Variants in NCKAP5 observed in about 807,000 individuals in gnomAD.
NCKAP5 encodes NCK associated protein 5, also known as nck-associated protein 5.
NCKAP5 carries 92 observed loss-of-function variants against 167.0 expected under a neutral mutation model. The observed-to-expected ratio is 0.55, with a 90% CI of 0.47 to 0.66. The LOEUF is 0.66. Ranked by LOEUF, NCKAP5 falls within the 30% of genes least tolerant of loss-of-function variation. The pLI, the probability that NCKAP5 is intolerant of heterozygous loss-of-function variation, is 0.00. For missense variants in NCKAP5, 2,378 were observed against 2,315.0 expected, an observed-to-expected ratio of 1.03 and a Z score of -0.56; for synonymous variants, 891 against 877.4, an observed-to-expected ratio of 1.02 and a Z score of -0.27.
the NCKAP5 span, chr2:133,596,044 C>T: frequency 6.6e-6 from 1 of 152,090 alleles, no homozygotes; most frequent in Non-Finnish European, 1.5e-5. Context: ...AATTATTTTC[C>T]TAAAAATGTA....
intron 4 of NCKAP5, among the ~76,000 whole-genome samples, chr2:133,226,177 G>A (rs761797481): frequency 2.6e-5 from 4 of 152,134 alleles, no homozygotes; most frequent in Non-Finnish European, 4.4e-5. Context: ...CTGGGCTCAA[G>A]TGATCCTCCC....
intron 3 of NCKAP5, among the ~76,000 whole-genome samples, chr2:133,457,157 C>T (rs1836668): frequency 0.033 from 4,996 of 152,196 alleles, 119 homozygotes; most frequent in Admixed American, 0.078. Context: ...CCCATGTGGC[C>T]GGCCTGGAGA....
intron 8 of NCKAP5, among the ~76,000 whole-genome samples, chr2:132,920,779 A>ATGTATGTATG (rs1227435162): frequency 5.3e-5 from 1 of 18,838 alleles, no homozygotes; most frequent in Non-Finnish European, 8.7e-5. Context: ...ATGTATATAT[A>ATGTATGTATG]TATATATATA....
chr2:132,834,431 G>A (rs923111905), intron 11 of NCKAP5, among the ~76,000 whole-genome samples: 3 of 151,990 alleles, frequency 2.0e-5, no homozygotes, highest in African/African-American at 4.8e-5. Context: ...TGCAAGCTCC[G>A]CCTCCCGGGT....
chr2:133,061,480 T>G (rs1008245608), intron 6 of NCKAP5, among the ~76,000 whole-genome samples: 1 of 152,212 alleles, frequency 6.6e-6, no homozygotes, highest in African/African-American at 2.4e-5. Flanking sequence ...TGTTTACCTA[T>G]GTAACAAACC....
chr2:133,629,392 T>C, the NCKAP5 span, among the ~76,000 whole-genome samples: 14,231 of 152,216 alleles, frequency 0.093, 767 homozygotes, highest in African/African-American at 0.12. Flanking sequence ...CTCAGTATCA[T>C]GGATCATTAG....
At chr2:132,728,357 T>A (rs1574009960) in intron 18 of NCKAP5, among the ~76,000 whole-genome samples, 1 of 152,264 alleles carries the variant, frequency 6.6e-6, no homozygotes, top group East Asian at 1.9e-4. Context: ...GCTCACGGAT[T>A]CTAGCAAGTC....
intron 3 of NCKAP5, among the ~76,000 whole-genome samples, chr2:133,312,879 T>C (rs1425136928): frequency 6.6e-6 from 1 of 152,208 alleles, no homozygotes; most frequent in Non-Finnish European, 1.5e-5. Context: ...ACTTTATTGA[T>C]TGATGTTGTT....
intron 3 of NCKAP5, among the ~76,000 whole-genome samples, chr2:133,308,370 G>A (rs542272655): frequency 1.3e-5 from 2 of 152,038 alleles, no homozygotes; most frequent in Admixed American, 1.3e-4. Flanking sequence ...TTACAGGCGT[G>A]AGCCACCGCG....
At chr2:133,186,418 G>C (rs1488402471) in intron 5 of NCKAP5, among the ~76,000 whole-genome samples, 1 of 151,936 alleles carries the variant, frequency 6.6e-6, no homozygotes, top group Admixed American at 6.6e-5. Context: ...GCGGTTTTCT[G>C]TTTTCACTGT....
intron 3 of NCKAP5, among the ~76,000 whole-genome samples, chr2:133,327,464 G>GTT (rs1559386953): frequency 6.6e-6 from 1 of 152,156 alleles, no homozygotes; most frequent in Non-Finnish European, 1.5e-5. Flanking sequence ...TAATGTTAGT[G>GTT]TTTTGAAGAC....
intron 10 of NCKAP5, among the ~76,000 whole-genome samples, chr2:132,863,008 G>A (rs1403528281): frequency 6.6e-6 from 1 of 151,954 alleles, no homozygotes; most frequent in African/African-American, 2.4e-5. Context: ...TTTTAGTAGA[G>A]ACAGGGTTTC....
intron 8 of NCKAP5, among the ~76,000 whole-genome samples, chr2:132,894,039 G>C (rs1027891461): frequency 6.6e-6 from 1 of 152,132 alleles, no homozygotes; most frequent in Non-Finnish European, 1.5e-5. Flanking sequence ...GATGAGAGAG[G>C]GAAGACACTG....
intron 3 of NCKAP5, among the ~76,000 whole-genome samples, chr2:133,403,283 G>T (rs954964560): frequency 6.6e-6 from 1 of 152,182 alleles, no homozygotes; most frequent in Non-Finnish European, 1.5e-5. Context: ...ATGCACCAAT[G>T]ATGATTAGTG....
chr2:133,347,748 G>A (rs1309185234), intron 3 of NCKAP5, among the ~76,000 whole-genome samples: 2 of 151,992 alleles, frequency 1.3e-5, no homozygotes, highest in Admixed American at 6.6e-5. Flanking sequence ...GGGCCCCTCT[G>A]GGAGAATTCA....
At chr2:133,213,681 T>C in intron 5 of NCKAP5, 35 bp downstream of exon 5, 1 of 1,608,270 alleles carries the variant, frequency 6.2e-7, no homozygotes, top group Non-Finnish European at 8.5e-7. Flanking sequence ...GACCTCTGGA[T>C]GTTGTGGAAT....
At chr2:133,614,468 C>G in the NCKAP5 span, among the ~76,000 whole-genome samples, 1 of 151,994 alleles carries the variant, frequency 6.6e-6, no homozygotes, top group African/African-American at 2.4e-5. Flanking sequence ...GCTGATGGAG[C>G]TGAAAACCAA....
At chr2:133,558,010 C>T (rs1687866091) in intron 2 of NCKAP5, 1 of 152,348 alleles carries the variant, frequency 6.6e-6, no homozygotes, top group South Asian at 2.1e-4. Context: ...CTCATCTTCT[C>T]CCCCTTCACT....
At chr2:132,906,221 G>A (rs1281551830) in intron 8 of NCKAP5, among the ~76,000 whole-genome samples, 1 of 152,122 alleles carries the variant, frequency 6.6e-6, no homozygotes, top group African/African-American at 2.4e-5. Context: ...AGTTACTGGA[G>A]TAGCTAACAG....
Sources: allele counts gnomAD v4.1 joint callset (sites outside exome capture counted in the v4.1 genomes callset), GRCh38; gene constraint gnomAD v4.1.1; transcripts MANE v1.5; gene names NCBI Gene and HGNC (gene_info 2026-07-23, HGNC 2026-07-21).